CACNG3: variants seen among roughly 807,000 people sequenced by gnomAD.
The protein encoded by CACNG3 is voltage-dependent calcium channel gamma-3 subunit.
Under a neutral mutation model 28.5 loss-of-function variants are expected in CACNG3, and 3 were observed. The ratio of observed to expected loss-of-function variants is 0.11; its 90% CI spans 0.05 to 0.27. The LOEUF (loss-of-function observed/expected upper bound fraction) is 0.27, where lower values mean the gene tolerates loss of function less well. CACNG3 is among the 10% of genes least tolerant of loss of function. CACNG3 has a pLI of 1.00. For missense variants in CACNG3, 236 were observed against 414.4 expected, an observed-to-expected ratio of 0.57 and a Z score of 3.74; for synonymous variants, 174 against 162.2, an observed-to-expected ratio of 1.07 and a Z score of -0.55.
intron 1 of CACNG3, among the ~76,000 whole-genome samples, chr16:24,267,054 C>T (rs1898620348): frequency 6.6e-6 from 1 of 151,020 alleles, no homozygotes; most frequent in Admixed American, 6.6e-5. Context: ...ACAACCTCTG[C>T]CTCCTGGGTT....
chr16:24,334,282 G>A (rs1899671497), intron 1 of CACNG3, among the ~76,000 whole-genome samples: 1 of 152,176 alleles, frequency 6.6e-6, no homozygotes, highest in African/African-American at 2.4e-5. Flanking sequence ...TGAGATGGAT[G>A]TCAAGCTCTG....
intron 1 of CACNG3, among the ~76,000 whole-genome samples, chr16:24,326,693 A>C (rs1166152989): frequency 2.0e-5 from 3 of 152,174 alleles, no homozygotes; most frequent in African/African-American, 7.2e-5. Flanking sequence ...CACTTCTGAA[A>C]CTGACAATGG....
intron 1 of CACNG3, among the ~76,000 whole-genome samples, chr16:24,307,077 G>A (rs1190479295): frequency 6.6e-6 from 1 of 152,144 alleles, no homozygotes; most frequent in Admixed American, 6.5e-5. Flanking sequence ...AGGGTATAGA[G>A]GTTCATCTAG....
chr16:24,311,850 A>C (rs1899269067), intron 1 of CACNG3, among the ~76,000 whole-genome samples: 1 of 152,254 alleles, frequency 6.6e-6, no homozygotes, highest in Non-Finnish European at 1.5e-5. Flanking sequence ...ACTCCATCTC[A>C]AAAAATAAAT....
At chr16:24,302,890 C>T (rs1899133265) in intron 1 of CACNG3, among the ~76,000 whole-genome samples, 1 of 152,018 alleles carries the variant, frequency 6.6e-6, no homozygotes, top group Non-Finnish European at 1.5e-5. Flanking sequence ...GAATTCCTGG[C>T]CTCAAGTGAT....
chr16:24,305,070 C>T (rs986369615), intron 1 of CACNG3, among the ~76,000 whole-genome samples: 2 of 151,554 alleles, frequency 1.3e-5, no homozygotes, highest in Non-Finnish European at 2.9e-5. Context: ...ATTTGAGTAA[C>T]AAAAAAGGGA....
intron 1 of CACNG3, among the ~76,000 whole-genome samples, chr16:24,318,835 C>G (rs1899421087): frequency 6.6e-6 from 1 of 152,154 alleles, no homozygotes; most frequent in Non-Finnish European, 1.5e-5. Flanking sequence ...TAACTAGTCC[C>G]TTCCTTCTAC....
At chr16:24,330,729 A>G (rs998309523) in intron 1 of CACNG3, among the ~76,000 whole-genome samples, 2 of 152,280 alleles carry the variant, frequency 1.3e-5, no homozygotes, top group African/African-American at 2.4e-5. Context: ...AAGACCCAGG[A>G]CACTTGTTCT....
intron 1 of CACNG3, among the ~76,000 whole-genome samples, chr16:24,289,507 G>A (rs1898938217): frequency 6.6e-6 from 1 of 152,156 alleles, no homozygotes. Flanking sequence ...ACAGGAGTAG[G>A]AGCCTTGCAT....
chr16:24,328,871 A>ATAACC (rs1467950282), intron 1 of CACNG3, among the ~76,000 whole-genome samples: 2 of 152,116 alleles, frequency 1.3e-5, no homozygotes, highest in African/African-American at 4.8e-5. Context: ...TCCACCTCTG[A>ATAACC]TAACCTGGGA....
At chr16:24,341,314 C>T (rs1682117378) in intron 1 of CACNG3, among the ~76,000 whole-genome samples, 3 of 152,242 alleles carry the variant, frequency 2.0e-5, no homozygotes, top group African/African-American at 7.2e-5. Flanking sequence ...GATTCATTTT[C>T]AGTGTGGAGT....
intron 1 of CACNG3, among the ~76,000 whole-genome samples, chr16:24,299,026 C>G (rs947860460): frequency 6.6e-6 from 1 of 152,148 alleles, no homozygotes; most frequent in East Asian, 1.9e-4. Context: ...TTTGCCAGGT[C>G]TCGCCCCTGT....
intron 1 of CACNG3, among the ~76,000 whole-genome samples, chr16:24,266,041 G>A (rs1596620455): frequency 2.0e-5 from 3 of 152,172 alleles, no homozygotes; most frequent in Non-Finnish European, 4.4e-5. Context: ...GACCGTTCAT[G>A]TAATCAGATA....
chr16:24,327,453 TATACACACACAC>T (rs1899570554), intron 1 of CACNG3, among the ~76,000 whole-genome samples: 1 of 114,122 alleles, frequency 8.8e-6, no homozygotes, highest in South Asian at 3.1e-4. Context: ...TATATATATA[TATACACACACAC>T]ACACACACAC....
intron 1 of CACNG3, among the ~76,000 whole-genome samples, chr16:24,317,643 A>ACAGACAG (rs1491323013): frequency 6.3e-5 from 4 of 63,244 alleles, no homozygotes; most frequent in Non-Finnish European, 1.2e-4. Context: ...AGAAAGAAAG[A>ACAGACAG]AAAGAAAAGA....
intron 2 of CACNG3, among the ~76,000 whole-genome samples, chr16:24,348,647 T>C (rs1899901353): frequency 1.3e-5 from 2 of 152,160 alleles, no homozygotes; most frequent in South Asian, 2.1e-4. Context: ...CTCAAAAAGA[T>C]TCAGTGTGGA....
intron 1 of CACNG3, among the ~76,000 whole-genome samples, chr16:24,271,384 T>C (rs577308112): frequency 2.6e-5 from 4 of 152,220 alleles, no homozygotes; most frequent in East Asian, 1.9e-4. Context: ...TGTGGAAAAA[T>C]AGGTTTTTTT....
chr16:24,339,266 A>T lies in CACNG3; in HGVS notation c.212-7468A>T, dbSNP rs1899750636. ...AATGTGATTTTAAAATGCCAGTACCACAATGACTTAATTATTACAGCTTTA... is the reference window on the plus strand; with the variant it reads ...AATGTGATTTTAAAATGCCAGTACCTCAATGACTTAATTATTACAGCTTTA... On this transcript the variant is annotated intron_variant, in intron 1 of 3. Transcript: ENST00000005284. 2.0e-5 allele frequency among the ~76,000 whole-genome samples: 3 copies of T among 152,224 alleles called. No individual in the cohort carries two copies. The South Asian group carries it at 6.2e-4, about 32-fold the overall frequency.
intron 1 of CACNG3, among the ~76,000 whole-genome samples, chr16:24,311,214 G>A (rs911928977): frequency 3.3e-5 from 5 of 152,178 alleles, no homozygotes; most frequent in Non-Finnish European, 7.3e-5. Context: ...GTGTGTGTAA[G>A]GTGCCATTAA....
Sources: gnomAD v4.1 joint callset for allele counts (sites outside exome capture counted in the v4.1 genomes callset) on GRCh38, gnomAD v4.1.1 for gene constraint, MANE v1.5 for transcripts, NCBI Gene and HGNC (gene_info 2026-07-23, HGNC 2026-07-21) for gene names.